RUBCN: variants seen among roughly 807,000 people sequenced by gnomAD.
RUBCN encodes the protein rubicon autophagy regulator.
Under a neutral mutation model 113.2 loss-of-function variants are expected in RUBCN, and 74 were observed. That is an observed-to-expected ratio of 0.65 (90% confidence interval 0.54 to 0.79). RUBCN has a LOEUF of 0.79. Among genes scored for constraint, RUBCN ranks in the 30% least tolerant of loss-of-function variants. The pLI is 0.00. For synonymous variants in RUBCN, 480 were observed against 490.0 expected, an observed-to-expected ratio of 0.98 and a Z score of 0.27; for missense variants, 1,109 against 1,251.7, an observed-to-expected ratio of 0.89 and a Z score of 1.72.
rs776504554 is a variant in RUBCN, at chr3:197,683,294, G to C, written c.1980+13C>G. On this transcript the variant is annotated intron_variant, in intron 13 of 19. Transcript: ENST00000296343. The surrounding 1 kb of genome is among the most constrained non-coding windows in gnomAD (Gnocchi z 4.6). ...CGATGGCCCCTGGGTAGGAAGAAGA[G>C]CTAAGGACCTACCTTCTGAGGGGCA... is the stretch of plus-strand genomic sequence containing the variant. 30 of 1,614,088 alleles carry C rather than the reference G, an allele frequency of 1.9e-5. No homozygotes were observed. In the African/African-American group the frequency reaches 3.5e-4, roughly 19 times the overall value.
At chr3:197,711,526 T>C (rs1395830837) in intron 2 of RUBCN, among the ~76,000 whole-genome samples, 1 of 152,186 alleles carries the variant, frequency 6.6e-6, no homozygotes, top group Non-Finnish European at 1.5e-5. Context: ...GGTAATTGCT[T>C]TTATAAGCAT....
intron 16 of RUBCN, among the ~76,000 whole-genome samples, chr3:197,678,871 A>G (rs1422763007): frequency 1.6e-5 from 2 of 128,166 alleles, no homozygotes; most frequent in East Asian, 5.0e-4. Context: ...CCTACGCTCT[A>G]ACTGACAACT....
intron 1 of RUBCN, among the ~76,000 whole-genome samples, chr3:197,733,040 A>C (rs1452768918): frequency 6.6e-6 from 1 of 152,260 alleles, no homozygotes; most frequent in Admixed American, 6.5e-5. Flanking sequence ...CAGGTTACGT[A>C]AAGTAACTTG....
rs147617800 is a variant in RUBCN at position 197,687,209 on chromosome 3, T to C, written c.1787-2992A>G. Among the ~76,000 whole-genome samples the C allele has an allele frequency of 2.7e-3, 414 of 152,322 alleles. 4 individuals carry two copies. Among genetic ancestry groups the C allele is most frequent in the African/African-American group, 9.2e-3 (384 of 41,548 alleles). On this transcript the variant is annotated intron_variant, in intron 11 of 19. Transcript: ENST00000296343. Reference sequence around the variant, plus strand: ...TCCAACTTCAACACATTTTCTGTAATTGCTGACTCAAAAGGAAACACTTCA... The same window carrying C: ...TCCAACTTCAACACATTTTCTGTAACTGCTGACTCAAAAGGAAACACTTCA...
intron 1 of RUBCN, among the ~76,000 whole-genome samples, chr3:197,721,688 T>C (rs1425779754): frequency 1.3e-5 from 2 of 152,140 alleles, no homozygotes; most frequent in Non-Finnish European, 2.9e-5. Context: ...CAACATTAGG[T>C]TGAGCTCTTT....
chr3:197,683,091 G>A lies in RUBCN; in HGVS notation c.1980+216C>T, dbSNP rs149755896. On this transcript the variant is annotated intron_variant, in intron 13 of 19. Coordinates refer to ENST00000296343, the MANE Select transcript of RUBCN (RefSeq NM_014687.4). The surrounding 1 kb of genome is among the most constrained non-coding windows in gnomAD (Gnocchi z 4.6). Reference sequence around the variant, plus strand: ...ATGACTGAGTCTGGCGAGCAGTCACGTGAATAAGGACCGCGAACGCGCCGT... The same window carrying A: ...ATGACTGAGTCTGGCGAGCAGTCACATGAATAAGGACCGCGAACGCGCCGT... Among the ~76,000 whole-genome samples the A allele has an allele frequency of 3.8e-3, 586 of 152,356 alleles. 6 individuals carry two copies. The highest frequency in any genetic ancestry group is 0.013 in the African/African-American group (554 of 41,592).
intron 14 of RUBCN, among the ~76,000 whole-genome samples, 156 bp downstream of exon 14, chr3:197,682,314 A>G (rs1397091812): frequency 3.3e-5 from 5 of 152,208 alleles, no homozygotes; most frequent in African/African-American, 1.2e-4. Flanking sequence ...GTAAGAAACG[A>G]AGGACCAAAT....
intron 5 of RUBCN, among the ~76,000 whole-genome samples, chr3:197,703,265 G>A (rs139110062): frequency 0.01 from 1,541 of 151,758 alleles, 18 homozygotes; most frequent in African/African-American, 0.035. Context: ...GGGTGTGGTG[G>A]CGGGCGCCTG....
chr3:197,699,955 TACC>T (rs376634008), intron 7 of RUBCN, among the ~76,000 whole-genome samples: 1 of 152,268 alleles, frequency 6.6e-6, no homozygotes, highest in African/African-American at 2.4e-5. Flanking sequence ...GCCTGCCGGA[TACC>T]ACAAGCCGGG....
chr3:197,745,387 G>A (rs552021582), intron 1 of RUBCN, among the ~76,000 whole-genome samples: 13 of 152,088 alleles, frequency 8.5e-5, no homozygotes, highest in East Asian at 7.7e-4. Flanking sequence ...AGGCTGAGGC[G>A]GGCGGATTAC....
At chr3:197,746,863 A>C (rs1728767798) in intron 1 of RUBCN, among the ~76,000 whole-genome samples, 1 of 152,096 alleles carries the variant, frequency 6.6e-6, no homozygotes, top group Non-Finnish European at 1.5e-5. Context: ...TGTTCACAGC[A>C]GGTGCTGAGA....
At chr3:197,743,808 A>G (rs1180070241) in intron 1 of RUBCN, among the ~76,000 whole-genome samples, 1 of 151,948 alleles carries the variant, frequency 6.6e-6, no homozygotes, top group Non-Finnish European at 1.5e-5. Context: ...ACATGGTGAA[A>G]CCCCGTCTCT....
chr3:197,678,090 G>T (rs2108837138), intron 16 of RUBCN, among the ~76,000 whole-genome samples: 1 of 140,290 alleles, frequency 7.1e-6, no homozygotes, highest in Non-Finnish European at 1.5e-5. Context: ...CCCACACTCT[G>T]ACTGACAACT....
chr3:197,693,525 C>A (rs990735653), intron 11 of RUBCN, among the ~76,000 whole-genome samples, 190 bp downstream of exon 11: 1 of 152,234 alleles, frequency 6.6e-6, no homozygotes, highest in African/African-American at 2.4e-5. Flanking sequence ...CCACCTGGAA[C>A]ACCTGCTTCC....
At chr3:197,719,255 T>A (rs1322053876) in intron 1 of RUBCN, among the ~76,000 whole-genome samples, 1 of 151,972 alleles carries the variant, frequency 6.6e-6, no homozygotes, top group Non-Finnish European at 1.5e-5. Flanking sequence ...GGCGGGTGGA[T>A]CACCTGAGGT....
intron 5 of RUBCN, 61 bp from the exon 6 acceptor site, chr3:197,701,925 G>C: frequency 6.6e-7 from 1 of 1,506,764 alleles, no homozygotes; most frequent in African/African-American, 1.4e-5. Flanking sequence ...CCTCAGAGTG[G>C]GGGCAACGCA....
intron 2 of RUBCN, among the ~76,000 whole-genome samples, chr3:197,706,070 T>G (rs1373030818): frequency 6.6e-6 from 1 of 152,202 alleles, no homozygotes; most frequent in Non-Finnish European, 1.5e-5. Context: ...TTCTGTTTTC[T>G]AAAAAATAAT....
At chr3:197,686,391 G>A (rs1359935497) in intron 11 of RUBCN, among the ~76,000 whole-genome samples, 1 of 152,146 alleles carries the variant, frequency 6.6e-6, no homozygotes, top group Non-Finnish European at 1.5e-5. Context: ...TCATGAATAC[G>A]TCCAAGAGTG....
upstream of RUBCN, among the ~76,000 whole-genome samples, chr3:197,738,358 A>G (rs1442100036): frequency 2.0e-5 from 3 of 152,224 alleles, no homozygotes; most frequent in Non-Finnish European, 1.5e-5. Context: ...TAACTCCGTG[A>G]AAAACTAATG....
Sources: allele counts gnomAD v4.1 joint callset (sites outside exome capture counted in the v4.1 genomes callset), GRCh38; gene constraint gnomAD v4.1.1; non-coding constraint Gnocchi (gnomAD v3.1); transcripts MANE v1.5; gene names NCBI Gene and HGNC (gene_info 2026-07-23, HGNC 2026-07-21).